The following WWOX variants were observed in gnomAD, a reference collection of about 807,000 sequenced individuals.
WWOX encodes WW domain containing oxidoreductase, also known as WW domain-containing oxidoreductase.
In WWOX, 69 loss-of-function variants were observed where a neutral mutation model predicts 46.2. The observed-to-expected ratio is 1.49, with a 90% confidence interval of 1.23 to 1.82. The LOEUF is 1.82. WWOX is among the 40% of genes most tolerant of loss of function. The pLI is 0.00. For synonymous variants in WWOX, 359 were observed against 202.6 expected, an observed-to-expected ratio of 1.77 and a Z score of -6.56; for missense variants, 919 against 542.6, an observed-to-expected ratio of 1.69 and a Z score of -6.89.
intron 8 of WWOX, among the ~76,000 whole-genome samples, chr16:78,732,430 C>G (rs750996645): frequency 9.9e-5 from 15 of 152,092 alleles, no homozygotes; most frequent in South Asian, 2.1e-4. Context: ...AGATAGGAAG[C>G]CAACAACTGA....
intron 8 of WWOX, among the ~76,000 whole-genome samples, chr16:78,808,663 C>G (rs577073164): frequency 8.1e-4 from 123 of 152,264 alleles, no homozygotes; most frequent in Middle Eastern, 3.4e-3. Context: ...CTTTAATTTC[C>G]TGCATCAGCT....
intron 5 of WWOX, among the ~76,000 whole-genome samples, chr16:78,370,800 G>T (rs1160338560): frequency 2.8e-5 from 3 of 108,494 alleles, no homozygotes; most frequent in South Asian, 6.6e-4. Flanking sequence ...GGGGGGGGGG[G>T]GCAATGCATT....
intron 8 of WWOX, among the ~76,000 whole-genome samples, chr16:79,122,016 A>C (rs954175654): frequency 2.0e-5 from 3 of 152,154 alleles, no homozygotes; most frequent in Admixed American, 2.0e-4. Context: ...TACCAAGTTA[A>C]GAGCATTAAT....
At chr16:79,023,811 C>G (rs1470448235) in intron 8 of WWOX, among the ~76,000 whole-genome samples, 4 of 145,812 alleles carry the variant, frequency 2.7e-5, no homozygotes, top group African/African-American at 5.0e-5. Flanking sequence ...AAAAAATTAG[C>G]CAGACATGGT....
At chr16:78,524,287 C>T (rs1205160594) in intron 8 of WWOX, among the ~76,000 whole-genome samples, 1 of 152,126 alleles carries the variant, frequency 6.6e-6, no homozygotes, top group African/African-American at 2.4e-5. Flanking sequence ...GAGCAATACT[C>T]TTTTTTTGTT....
chr16:78,945,849 C>T (rs552017717), intron 8 of WWOX, among the ~76,000 whole-genome samples: 5 of 152,242 alleles, frequency 3.3e-5, no homozygotes, highest in African/African-American at 9.6e-5. Flanking sequence ...AACTTCATCT[C>T]GTAGTCACTG....
intron 8 of WWOX, among the ~76,000 whole-genome samples, chr16:78,731,848 T>TC (rs2048977314): frequency 7.6e-6 from 1 of 131,456 alleles, no homozygotes; most frequent in African/African-American, 3.7e-5. Flanking sequence ...TCTTTCTCTT[T>TC]TTTTTTTTTT....
chr16:78,369,588 T>G (rs72796027), intron 5 of WWOX, among the ~76,000 whole-genome samples: 4 of 151,854 alleles, frequency 2.6e-5, no homozygotes, highest in Non-Finnish European at 4.4e-5. Flanking sequence ...TGGACTGATT[T>G]CTCATTAATG....
chr16:78,253,232 A>G (rs950760834), intron 5 of WWOX, among the ~76,000 whole-genome samples: 6 of 152,226 alleles, frequency 3.9e-5, no homozygotes, highest in African/African-American at 1.4e-4. Flanking sequence ...TTCTAAAGTT[A>G]TAAGTACTCT....
intron 8 of WWOX, among the ~76,000 whole-genome samples, chr16:78,528,583 G>A (rs777959781): frequency 2.2e-4 from 33 of 152,294 alleles, no homozygotes; most frequent in Non-Finnish European, 4.0e-4. Context: ...GGGGTACTAA[G>A]TCATCGTTAT....
At position 79,162,036 on chromosome 16, in the gene WWOX, T is replaced by C. The variant is rs537853750; in HGVS notation, c.1057-49572T>C. On this transcript the variant is annotated intron_variant, in intron 8 of 8. Coordinates refer to ENST00000566780, the MANE Select transcript of WWOX (RefSeq NM_016373.4). ...ACACCTGTCTCCCAGATCTGTCCTT[T>C]TCTTGGATAGCTTGAAGTTACGGGT... Among the ~76,000 whole-genome samples, 12 of 152,312 alleles carry C rather than the reference T, an allele frequency of 7.9e-5. No homozygotes were observed. In the East Asian group the frequency reaches 1.7e-3, roughly 22 times the overall value.
intron 5 of WWOX, among the ~76,000 whole-genome samples, chr16:78,203,491 C>T (rs2036295192): frequency 6.6e-6 from 1 of 152,068 alleles, no homozygotes; most frequent in African/African-American, 2.4e-5. Flanking sequence ...TTCTCTGTGT[C>T]TTTATGGGGA....
chr16:78,945,645 A>ATTT (rs66479410), intron 8 of WWOX, among the ~76,000 whole-genome samples: 3 of 151,148 alleles, frequency 2.0e-5, no homozygotes, highest in African/African-American at 7.3e-5. Flanking sequence ...ATTTCTAAGG[A>ATTT]TTTTTTTTTA....
chr16:79,194,371 A>G (rs2051196374), intron 8 of WWOX, among the ~76,000 whole-genome samples: 1 of 152,164 alleles, frequency 6.6e-6, no homozygotes, highest in Admixed American at 6.5e-5. Flanking sequence ...TTTGGGTTGG[A>G]TACCTGGAAC....
chr16:78,910,159 C>A (rs1158943952), intron 8 of WWOX, among the ~76,000 whole-genome samples: 2 of 113,762 alleles, frequency 1.8e-5, no homozygotes, highest in East Asian at 4.9e-4. Flanking sequence ...TGCTTTTTCT[C>A]CCTTTTTGGT....
At chr16:78,430,800 G>T (rs1406760759) in intron 7 of WWOX, among the ~76,000 whole-genome samples, 1 of 152,106 alleles carries the variant, frequency 6.6e-6, no homozygotes, top group East Asian at 1.9e-4. Flanking sequence ...CTAGAAATTG[G>T]ATGTCACCGA....
chr16:78,811,170 C>T (rs992601085), intron 8 of WWOX, among the ~76,000 whole-genome samples: 1 of 152,146 alleles, frequency 6.6e-6, no homozygotes, highest in African/African-American at 2.4e-5. Context: ...ATCCGAAAAA[C>T]AATCAGTGTT....
chr16:79,146,225 A>C (rs1226668206), intron 8 of WWOX, among the ~76,000 whole-genome samples: 2 of 152,202 alleles, frequency 1.3e-5, no homozygotes, highest in African/African-American at 4.8e-5. Flanking sequence ...AGGAGAAAAC[A>C]AAAAGAGTCT....
At chr16:78,305,162 A>G (rs2080110291) in intron 5 of WWOX, among the ~76,000 whole-genome samples, 1 of 152,128 alleles carries the variant, frequency 6.6e-6, no homozygotes, top group Non-Finnish European at 1.5e-5. Flanking sequence ...ACTAGTGTGT[A>G]TTAGGCCAGG....
Sources: gnomAD v4.1 joint callset for allele counts (sites outside exome capture counted in the v4.1 genomes callset) on GRCh38, gnomAD v4.1.1 for gene constraint, MANE v1.5 for transcripts, NCBI Gene and HGNC (gene_info 2026-07-23, HGNC 2026-07-21) for gene names.